The following RTN4RL1 variants were observed in gnomAD, a reference collection of about 807,000 sequenced individuals.
RTN4RL1 encodes the protein reticulon-4 receptor-like 1.
In RTN4RL1, 7 loss-of-function variants were observed where a neutral mutation model predicts 25.6. That is an observed-to-expected ratio of 0.27 (90% CI 0.16 to 0.51). RTN4RL1 has a LOEUF of 0.51. Among genes scored for constraint, RTN4RL1 ranks in the 20% least tolerant of loss-of-function variants. The pLI is 0.97. For missense variants in RTN4RL1, 500 were observed against 615.6 expected (o/e 0.81, Z 1.99); for synonymous variants, 297 against 288.2 (o/e 1.03, Z -0.31).
chr17:1,971,835 G>A lies in RTN4RL1; in HGVS notation c.14-34027C>T, dbSNP rs891081099. ...ACATTAGCCAGGTGTGGTGGCGGGC[G>A]CCTGTAGTCCCAGCTACTCGGGAGG... is the stretch of plus-strand genomic sequence containing the variant. On this transcript the variant is annotated intron_variant, in intron 1 of 1. Transcript: ENST00000331238. 2.7e-3 allele frequency among the ~76,000 whole-genome samples: 402 copies of A among 151,192 alleles called. 2 individuals are homozygous for A. The highest frequency in any genetic ancestry group is 8.6e-3 in the African/African-American group (353 of 41,148).
At chr17:1,957,890 T>A (rs936390972) in intron 1 of RTN4RL1, among the ~76,000 whole-genome samples, 3 of 110,302 alleles carry the variant, frequency 2.7e-5, no homozygotes, top group Admixed American at 9.2e-5. Flanking sequence ...ACAAACAAAG[T>A]GAGATGGTGG....
intron 1 of RTN4RL1, among the ~76,000 whole-genome samples, chr17:1,990,036 C>T (rs1378444203): frequency 1.3e-5 from 2 of 152,016 alleles, no homozygotes; most frequent in Admixed American, 1.3e-4. Flanking sequence ...CAGAACTGTA[C>T]ACTTAAAATG....
chr17:1,976,171 G>A (rs2066842017), intron 1 of RTN4RL1, among the ~76,000 whole-genome samples: 1 of 152,208 alleles, frequency 6.6e-6, no homozygotes, highest in South Asian at 2.1e-4. Context: ...ATGTTCCCAG[G>A]AGGGCAAATC....
intron 1 of RTN4RL1, among the ~76,000 whole-genome samples, chr17:2,017,143 C>T (rs925784299): frequency 1.3e-5 from 2 of 152,204 alleles, no homozygotes; most frequent in African/African-American, 4.8e-5. Context: ...TAAAGGCCCC[C>T]TTCACTGCGT....
At chr17:1,940,640 C>T (rs1915420158) in intron 1 of RTN4RL1, among the ~76,000 whole-genome samples, 1 of 152,090 alleles carries the variant, frequency 6.6e-6, no homozygotes, top group Non-Finnish European at 1.5e-5. Flanking sequence ...CTGCCTGAAC[C>T]CTCCACACCC....
At chr17:2,002,259 TTTTC>T (rs1376812428) in intron 1 of RTN4RL1, among the ~76,000 whole-genome samples, 5 of 151,358 alleles carry the variant, frequency 3.3e-5, no homozygotes, top group African/African-American at 4.9e-5. Flanking sequence ...CTCCTTTCTT[TTTTC>T]TTTCTCTCTT....
chr17:1,998,302 A>G lies in RTN4RL1; in HGVS notation c.13+26551T>C, dbSNP rs2066939287. ...CCAAGGCCTCCCGCAGGCCGACCCG[A>G]GCCGAGCGCGCCCTTTGGGCACCGG... On this transcript the variant is annotated intron_variant, in intron 1 of 1. Transcript: ENST00000331238. This position sits in a 1 kb window ranked among gnomAD's most constrained non-coding sequence, Gnocchi z 4.9. Among the ~76,000 whole-genome samples the G allele has an allele frequency of 2.0e-5, 3 of 152,118 alleles. No individual in the cohort carries two copies. The highest frequency in any genetic ancestry group is 7.2e-5 in the African/African-American group (3 of 41,434).
At position 1,994,414 on chromosome 17, in the gene RTN4RL1, G is replaced by A. The variant is rs1214497376; in HGVS notation, c.13+30439C>T. Among the ~76,000 whole-genome samples, 1 of 152,068 alleles carries A rather than the reference G, an allele frequency of 6.6e-6. No homozygotes were observed. The highest frequency in any genetic ancestry group is 1.9e-4 in the East Asian group (1 of 5,198). On this transcript the variant is annotated intron_variant, in intron 1 of 1. Transcript: ENST00000331238. This position sits in a 1 kb window ranked among gnomAD's most constrained non-coding sequence, Gnocchi z 4.3. ...CCAGGGACACACTTGGTCCCTCCTC[G>A]GGCAAAAGCAGGGCGAGTACTGCCC...
intron 1 of RTN4RL1, among the ~76,000 whole-genome samples, chr17:1,942,744 A>C (rs1915465585): frequency 6.6e-6 from 1 of 152,084 alleles, no homozygotes; most frequent in Non-Finnish European, 1.5e-5. Flanking sequence ...TGGCCTGAGC[A>C]CGGGAAGCCA....
intron 1 of RTN4RL1, among the ~76,000 whole-genome samples, chr17:1,943,021 C>A (rs1183537896): frequency 6.6e-6 from 1 of 152,210 alleles, no homozygotes; most frequent in African/African-American, 2.4e-5. Flanking sequence ...GTGGGACCAG[C>A]CCTCACAGGG....
rs1915299855 is a variant in RTN4RL1, at chr17:1,936,198, C to T, written c.*298G>A. ...GTCGGGGGCAATTGTCCCACTGTTG[C>T]CAGTGGAGGATGCACTTGGAGTGCC... On this transcript the variant is annotated 3_prime_UTR_variant, in exon 2 of 2. Transcript: ENST00000331238. 8.2e-7 allele frequency: 1 copy of T among 1,222,368 alleles called. No homozygotes were observed. Among genetic ancestry groups the T allele is most frequent in the Non-Finnish European group, 1.0e-6 (1 of 978,998 alleles). 75.7% of individuals were successfully genotyped at this position (1,222,368 alleles called of 1,614,324 possible).
intron 1 of RTN4RL1, among the ~76,000 whole-genome samples, 198 bp from the exon 2 acceptor site, chr17:1,938,006 C>CCA (rs1280867283): frequency 6.6e-6 from 1 of 152,216 alleles, no homozygotes; most frequent in Non-Finnish European, 1.5e-5. Flanking sequence ...CCTTGGTGAC[C>CCA]CACTTCTGCT....
chr17:1,941,025 C>T (rs2151304680), intron 1 of RTN4RL1, among the ~76,000 whole-genome samples: 1 of 152,338 alleles, frequency 6.6e-6, no homozygotes, highest in Non-Finnish European at 1.5e-5. Context: ...GCTAATCCCA[C>T]TCGACATTTG....
At chr17:1,999,536 A>G (rs527795985) in intron 1 of RTN4RL1, among the ~76,000 whole-genome samples, 1 of 152,164 alleles carries the variant, frequency 6.6e-6, no homozygotes, top group East Asian at 1.9e-4. Context: ...ACCCATACAC[A>G]AAGAGCTGTT....
At chr17:1,992,159 A>T (rs933152224) in intron 1 of RTN4RL1, among the ~76,000 whole-genome samples, 20 of 152,012 alleles carry the variant, frequency 1.3e-4, no homozygotes, top group African/African-American at 2.7e-4. Flanking sequence ...GGTCAGGAGA[A>T]CGAGACCATC....
chr17:2,023,932 G>T (rs796290887), intron 1 of RTN4RL1, among the ~76,000 whole-genome samples: 1 of 152,128 alleles, frequency 6.6e-6, no homozygotes, highest in Admixed American at 6.5e-5. Context: ...GGCGCGGGGG[G>T]GATCCCGGCG....
At chr17:1,996,581 T>C (rs918430492) in intron 1 of RTN4RL1, among the ~76,000 whole-genome samples, 4 of 152,064 alleles carry the variant, frequency 2.6e-5, no homozygotes, top group African/African-American at 9.7e-5. Flanking sequence ...CTTAAATTCA[T>C]GAGAAAAGGG....
chr17:1,961,045 C>T (rs1370275621), intron 1 of RTN4RL1, among the ~76,000 whole-genome samples: 1 of 152,216 alleles, frequency 6.6e-6, no homozygotes, highest in Non-Finnish European at 1.5e-5. Flanking sequence ...TTTGTTTACA[C>T]ATTTATTGTC....
intron 1 of RTN4RL1, among the ~76,000 whole-genome samples, chr17:1,970,520 C>T (rs564510714): frequency 5.9e-5 from 9 of 152,286 alleles, no homozygotes; most frequent in South Asian, 2.1e-4. Context: ...CCAGGTTCCA[C>T]GTGGGAAGGG....
Sources: gnomAD v4.1 joint callset for allele counts (sites outside exome capture counted in the v4.1 genomes callset) on GRCh38, gnomAD v4.1.1 for gene constraint, Gnocchi (gnomAD v3.1) non-coding constraint, MANE v1.5 for transcripts, NCBI Gene and HGNC (gene_info 2026-07-23, HGNC 2026-07-21) for gene names.